The following FANCC variants were observed in gnomAD, a reference collection of about 807,000 sequenced individuals.
FANCC encodes the protein Fanconi anemia group C protein.
FANCC carries 55 observed loss-of-function variants against 71.3 expected under a neutral mutation model. The ratio of observed to expected loss-of-function variants is 0.77; its 90% CI spans 0.62 to 0.97. The LOEUF is 0.97. Ranked by LOEUF, FANCC falls within the 50% of genes least tolerant of loss-of-function variation. The pLI, the probability that FANCC is intolerant of heterozygous loss-of-function variation, is 0.00. For synonymous variants in FANCC, 275 were observed against 244.9 expected, an observed-to-expected ratio of 1.12 and a Z score of -1.15; for missense variants, 678 against 670.9, an observed-to-expected ratio of 1.01 and a Z score of -0.12.
intron 1 of FANCC, among the ~76,000 whole-genome samples, chr9:95,270,106 A>C (rs1005432387): frequency 6.6e-6 from 1 of 152,202 alleles, no homozygotes; most frequent in Non-Finnish European, 1.5e-5. Flanking sequence ...TTCTTAGTAC[A>C]TAACAAAATG....
intron 1 of FANCC, 75 bp from the exon 2 acceptor site, chr9:95,249,444 G>A: frequency 1.4e-6 from 1 of 717,642 alleles, no homozygotes; most frequent in South Asian, 1.6e-5. Context: ...ATTGATGGGT[G>A]AAGGAGGGAT....
At chr9:95,130,491 C>T (rs1032519616) in intron 8 of FANCC, among the ~76,000 whole-genome samples, 4 of 152,292 alleles carry the variant, frequency 2.6e-5, no homozygotes, top group Middle Eastern at 3.4e-3. Context: ...TAGATATATT[C>T]GCCTTAAAAA....
intron 4 of FANCC, among the ~76,000 whole-genome samples, chr9:95,186,793 T>TATTTA (rs1382120607): frequency 1.8e-4 from 27 of 150,446 alleles, no homozygotes; most frequent in African/African-American, 6.3e-4. Context: ...CTGTTGGATT[T>TATTTA]TTTTTTTTTT....
At chr9:95,300,044 C>T (rs1304509810) in intron 1 of FANCC, among the ~76,000 whole-genome samples, 1 of 152,190 alleles carries the variant, frequency 6.6e-6, no homozygotes, top group African/African-American at 2.4e-5. Context: ...TAAGGGTCTA[C>T]ACACAAAAGC....
chr9:95,157,589 C>T (rs747178618), intron 6 of FANCC, among the ~76,000 whole-genome samples: 7 of 152,200 alleles, frequency 4.6e-5, no homozygotes, highest in Non-Finnish European at 8.8e-5. Context: ...CAGTTGAATT[C>T]TTGTGCAGAA....
chr9:95,155,335 AAGGGAGGAAGGGAGGG>A (rs1830410359), intron 6 of FANCC, among the ~76,000 whole-genome samples: 1 of 28,096 alleles, frequency 3.6e-5, no homozygotes, highest in Non-Finnish European at 5.9e-5. Flanking sequence ...GGGAGGAAGG[AAGGGAGGAAGGGAGGG>A]AGGGAGGGAG....
intron 6 of FANCC, among the ~76,000 whole-genome samples, chr9:95,156,977 C>T (rs1830489620): frequency 6.6e-6 from 1 of 152,128 alleles, no homozygotes. Context: ...AACTACTTTC[C>T]AGTATATGCT....
At chr9:95,163,207 A>ATCT (rs1437407768) in intron 6 of FANCC, among the ~76,000 whole-genome samples, 1 of 152,314 alleles carries the variant, frequency 6.6e-6, no homozygotes, top group South Asian at 2.1e-4. Flanking sequence ...TCCCAATCTT[A>ATCT]TAGACAGGAT....
In FANCC at chr9:95,143,773, G is replaced by A. The variant is rs1006188328; in HGVS notation, c.686+6150C>T. On this transcript the variant is annotated intron_variant, in intron 7 of 14. Transcript: ENST00000289081. Reference sequence around the variant, plus strand: ...TTACTTATACTCCAGACTTACAAAAGGACCTCAGCAGCCCGCCCAGGAAGG... The same window carrying A: ...TTACTTATACTCCAGACTTACAAAAAGACCTCAGCAGCCCGCCCAGGAAGG... 2.6e-5 allele frequency among the ~76,000 whole-genome samples: 4 copies of A among 152,190 alleles called. No individual in the cohort carries two copies. In the East Asian group the frequency reaches 7.7e-4, roughly 29 times the overall value.
At chr9:95,220,766 T>C (rs1293267607) in intron 4 of FANCC, among the ~76,000 whole-genome samples, 1 of 151,956 alleles carries the variant, frequency 6.6e-6, no homozygotes, top group Non-Finnish European at 1.5e-5. Context: ...ATACCTAATG[T>C]AAATGACGAG....
intron 3 of FANCC, among the ~76,000 whole-genome samples, chr9:95,244,521 T>C (rs1830825322): frequency 6.6e-6 from 1 of 151,548 alleles, no homozygotes; most frequent in Non-Finnish European, 1.5e-5. Context: ...CTAGTAAGAA[T>C]ACAAAAAATT....
At chr9:95,112,823 G>C (rs906410566) in intron 12 of FANCC, among the ~76,000 whole-genome samples, 1 of 152,236 alleles carries the variant, frequency 6.6e-6, no homozygotes, top group African/African-American at 2.4e-5. Flanking sequence ...CCAAGGTCTG[G>C]ATTGAAGTGG....
chr9:95,107,172 T>C lies in FANCC; in HGVS notation c.1427A>G (p.Asp476Gly), dbSNP rs1375711161. ...DLQTVAGQGTDTDLRAPAQQL... is the reference protein window; with the variant it reads ...DLQTVAGQGTGTDLRAPAQQL... ...TTGTGCAGGAGCTCTGAGGTCTGTG[T>C]CTGTGCCCTGTCCTGCTACCGTCTG... Residue 476 changes from aspartate (D) to glycine (G), a missense_variant, in exon 14 of 15, where the codon GAC becomes GGC. By Grantham distance (94) the Asp-to-Gly change is moderately conservative (BLOSUM62 -1). Transcript: ENST00000289081. The C allele has an allele frequency of 6.2e-7, 1 of 1,614,186 alleles. No individual in the cohort carries two copies. The highest frequency in any genetic ancestry group is 2.2e-5 in the East Asian group (1 of 44,878).
chr9:95,312,064 C>A (rs1241531885), intron 1 of FANCC, among the ~76,000 whole-genome samples: 2 of 152,196 alleles, frequency 1.3e-5, no homozygotes, highest in East Asian at 3.8e-4. Flanking sequence ...TCTCTGACCC[C>A]ACTTTCCATG....
intron 11 of FANCC, among the ~76,000 whole-genome samples, chr9:95,117,057 C>T (rs1236872251): frequency 6.6e-6 from 1 of 152,230 alleles, no homozygotes; most frequent in Non-Finnish European, 1.5e-5. Flanking sequence ...TATCTGGAGG[C>T]AGACTAGCAA....
At chr9:95,199,998 A>G (rs1363721572) in intron 4 of FANCC, among the ~76,000 whole-genome samples, 2 of 152,194 alleles carry the variant, frequency 1.3e-5, no homozygotes, top group African/African-American at 4.8e-5. Context: ...AGCTACTGAT[A>G]ATAATATGTA....
intron 6 of FANCC, among the ~76,000 whole-genome samples, chr9:95,163,913 T>C (rs1450198784): frequency 6.6e-6 from 1 of 152,208 alleles, no homozygotes; most frequent in Admixed American, 6.5e-5. Flanking sequence ...ACATGGGATA[T>C]CTTTTTATTT....
intron 6 of FANCC, among the ~76,000 whole-genome samples, chr9:95,159,033 CTTTTTT>C (rs112559084): frequency 6.1e-5 from 9 of 147,624 alleles, no homozygotes; most frequent in African/African-American, 1.7e-4. Context: ...TTTTTTTGAC[CTTTTTT>C]TTTTTAATTA....
intron 4 of FANCC, among the ~76,000 whole-genome samples, chr9:95,226,810 G>T (rs781117111): frequency 1.3e-5 from 2 of 152,136 alleles, no homozygotes; most frequent in African/African-American, 4.8e-5. Context: ...GTTGTGATTT[G>T]ACAACCATAT....
Sources: allele counts gnomAD v4.1 joint callset (sites outside exome capture counted in the v4.1 genomes callset), GRCh38; gene constraint gnomAD v4.1.1; transcripts MANE v1.5; gene names NCBI Gene and HGNC (gene_info 2026-07-23, HGNC 2026-07-21).